Variants in GORASP2 observed in about 807,000 individuals in gnomAD.
GORASP2 encodes the protein golgi reassembly stacking protein 2.
GORASP2 carries 22 observed loss-of-function variants against 45.7 expected under a neutral mutation model. That is an observed-to-expected ratio of 0.48 (90% CI 0.34 to 0.69). GORASP2 has a LOEUF of 0.69. Among genes scored for constraint, GORASP2 ranks in the 30% least tolerant of loss-of-function variants. The pLI is 0.01. For synonymous variants in GORASP2, 221 were observed against 215.6 expected (o/e 1.02, Z -0.22); for missense variants, 491 against 562.7 (o/e 0.87, Z 1.29).
At chr2:170,965,741 G>A (rs965840326) in intron 9 of GORASP2, 49 bp from the exon 10 acceptor site, 1 of 1,273,532 alleles carries the variant, frequency 7.9e-7, no homozygotes, top group African/African-American at 1.5e-5. Context: ...AATGCCTGCT[G>A]TCCTTTCAGT....
intron 1 of GORASP2, among the ~76,000 whole-genome samples, chr2:170,946,047 T>C (rs1704176412): frequency 1.3e-5 from 2 of 152,176 alleles, no homozygotes; most frequent in Non-Finnish European, 2.9e-5. Context: ...GGTCTCGCCC[T>C]GTCCCCTATA....
chr2:170,929,832 C>T (rs573753358), intron 1 of GORASP2: 8 of 464,682 alleles, frequency 1.7e-5, no homozygotes, highest in South Asian at 9.3e-5. Flanking sequence ...GGATCCGGAC[C>T]CGCAGTCCGG....
intron 1 of GORASP2, among the ~76,000 whole-genome samples, chr2:170,934,334 G>T (rs1343969820): frequency 6.6e-6 from 1 of 150,988 alleles, no homozygotes; most frequent in Non-Finnish European, 1.5e-5. Context: ...GGAGTACAAT[G>T]GCGCATCTCG....
intron 1 of GORASP2, among the ~76,000 whole-genome samples, chr2:170,936,901 C>T (rs563898860): frequency 4.7e-4 from 72 of 152,082 alleles, no homozygotes; most frequent in Non-Finnish European, 8.2e-4. Flanking sequence ...TTAATTAATT[C>T]GTTAATTTTT....
At chr2:170,960,620 A>G (rs1188600864) in intron 7 of GORASP2, among the ~76,000 whole-genome samples, 3 of 152,264 alleles carry the variant, frequency 2.0e-5, no homozygotes, top group Admixed American at 6.5e-5. Context: ...ATATAAAAAA[A>G]TTATAGCATT....
intron 6 of GORASP2, among the ~76,000 whole-genome samples, chr2:170,955,036 T>G (rs2676139): frequency 1.6e-4 from 25 of 152,088 alleles, no homozygotes; most frequent in African/African-American, 5.1e-4. Context: ...ATGTAACCCA[T>G]TGGCTGTTAG....
intron 9 of GORASP2, among the ~76,000 whole-genome samples, chr2:170,964,380 C>T (rs904192439): frequency 2.6e-5 from 4 of 152,196 alleles, no homozygotes; most frequent in Admixed American, 2.0e-4. Flanking sequence ...AGGCCAGGCA[C>T]AGTGGCTCAC....
At chr2:170,952,483 T>C (rs561601705) in intron 5 of GORASP2, among the ~76,000 whole-genome samples, 3 of 152,326 alleles carry the variant, frequency 2.0e-5, no homozygotes, top group Non-Finnish European at 2.9e-5. Flanking sequence ...TATTAAATCT[T>C]ATTTCTCTTA....
At chr2:170,948,686 A>G (rs1704231304) in intron 2 of GORASP2, 3 of 242,378 alleles carry the variant, frequency 1.2e-5, no homozygotes, top group African/African-American at 2.2e-5. Context: ...ATAAGCAGAA[A>G]GAAATAATTA....
intron 5 of GORASP2, among the ~76,000 whole-genome samples, chr2:170,952,080 A>G (rs1704312020): frequency 6.6e-6 from 1 of 152,216 alleles, no homozygotes; most frequent in African/African-American, 2.4e-5. Context: ...CCTCATATAA[A>G]CTACATTTGC....
At position 170,967,085 on chromosome 2, in the gene GORASP2, T is replaced by G. The variant is rs1287003577; in HGVS notation, c.*955T>G. The stretch of plus-strand genomic sequence containing the variant: ...AGATGGTAAGTTAACTGGAATTGAT[T>G]TACTGAATGAAATTAAATGCAGATA... On this transcript the variant is annotated 3_prime_UTR_variant, in exon 10 of 10. Transcript: ENST00000234160. The G allele has an allele frequency of 6.6e-6, 1 of 152,152 alleles. No homozygotes were observed. The highest frequency in any genetic ancestry group is 1.5e-5 in the Non-Finnish European group (1 of 68,050). 9.4% of individuals were successfully genotyped at this position (152,152 alleles called of 1,614,324 possible). A position where few individuals can be genotyped will look rare whatever the true frequency, so the allele number is the denominator to read the frequency against.
intron 7 of GORASP2, among the ~76,000 whole-genome samples, chr2:170,956,899 G>A (rs1356780859): frequency 6.6e-6 from 1 of 151,996 alleles, no homozygotes; most frequent in Non-Finnish European, 1.5e-5. Context: ...GGTCGACAGA[G>A]TGAAAAATTT....
intron 5 of GORASP2, 106 bp downstream of exon 5, chr2:170,951,564 A>C (rs1704298826): frequency 4.3e-6 from 4 of 927,276 alleles, no homozygotes; most frequent in Non-Finnish European, 4.8e-6. Flanking sequence ...GTTTATTTTA[A>C]GACTCCTCTT....
intron 8 of GORASP2, 70 bp downstream of exon 8, chr2:170,961,819 T>A: frequency 1.2e-6 from 1 of 844,726 alleles, no homozygotes; most frequent in Non-Finnish European, 2.1e-6. Flanking sequence ...TTAAAAACAA[T>A]GAAAAATATT....
chr2:170,952,065 C>G (rs960353339), intron 5 of GORASP2, among the ~76,000 whole-genome samples: 15 of 152,214 alleles, frequency 9.9e-5, no homozygotes, highest in Non-Finnish European at 2.2e-4. Context: ...TTACAAGAGG[C>G]ACTTCCTCAT....
chr2:170,930,729 A>G (rs1232467850), intron 1 of GORASP2, among the ~76,000 whole-genome samples: 1 of 151,874 alleles, frequency 6.6e-6, no homozygotes, highest in Non-Finnish European at 1.5e-5. Flanking sequence ...CTAACCAAAC[A>G]CCCAAGAGCC....
At chr2:170,953,969 C>G (rs1409941898) in intron 5 of GORASP2, 1 of 152,254 alleles carries the variant, frequency 6.6e-6, no homozygotes. Flanking sequence ...GCACTGCACA[C>G]AACAGCAGAG....
upstream of GORASP2, chr2:170,929,155 C>A (rs1703749229): frequency 4.7e-6 from 2 of 429,512 alleles, no homozygotes; most frequent in East Asian, 7.2e-5. Flanking sequence ...CGGCAGGTGG[C>A]GCTGTCTGCG....
At chr2:170,933,763 A>G (rs1400718733) in intron 1 of GORASP2, among the ~76,000 whole-genome samples, 1 of 152,192 alleles carries the variant, frequency 6.6e-6, no homozygotes, top group African/African-American at 2.4e-5. Context: ...TTCAGTGTGG[A>G]GACTGTGTGG....
Sources: allele counts gnomAD v4.1 joint callset (sites outside exome capture counted in the v4.1 genomes callset), GRCh38; gene constraint gnomAD v4.1.1; transcripts MANE v1.5; gene names NCBI Gene and HGNC (gene_info 2026-07-23, HGNC 2026-07-21).